BDP1: variants seen among roughly 807,000 people sequenced by gnomAD.
BDP1 encodes BDP1 general transcription factor IIIB subunit, also known as transcription factor TFIIIB component B'' homolog.
BDP1 carries 169 observed loss-of-function variants against 266.6 expected under a neutral mutation model. The observed-to-expected ratio is 0.63, with a 90% confidence interval of 0.56 to 0.72. The LOEUF is 0.72. Among genes scored for constraint, BDP1 ranks in the 30% least tolerant of loss-of-function variants. BDP1 has a pLI of 0.00. For synonymous variants in BDP1, 1,090 were observed against 1,022.4 expected (o/e 1.07, Z -1.26); for missense variants, 3,015 against 3,053.8 (o/e 0.99, Z 0.30).
rs1388959654 is a variant in BDP1, at chr5:71,566,882, A to G, written c.*1997A>G. On this transcript the variant is annotated 3_prime_UTR_variant, in exon 39 of 39. Coordinates refer to ENST00000358731, the MANE Select transcript of BDP1 (RefSeq NM_018429.3). ...GATAATTATGTTTGTATATTGAAAA[A>G]ATGGTGGCCAGTTTTTAAGTTCCTT... 6.6e-6 allele frequency: 1 copy of G among 152,236 alleles called. No individual in the cohort carries two copies. Among genetic ancestry groups the G allele is most frequent in the Non-Finnish European group, 1.5e-5 (1 of 68,044 alleles). 9.4% of individuals were successfully genotyped at this position (152,236 alleles called of 1,614,324 possible).
intron 35 of BDP1, among the ~76,000 whole-genome samples, chr5:71,555,003 C>T (rs1367886257): frequency 3.9e-5 from 6 of 152,128 alleles, no homozygotes; most frequent in South Asian, 2.1e-4. Flanking sequence ...TGGAGCATTT[C>T]GGATTTTCAG....
At chr5:71,544,301 C>G in intron 30 of BDP1, 56 bp from the exon 31 acceptor site, 4 of 1,500,702 alleles carry the variant, frequency 2.7e-6, no homozygotes, top group Non-Finnish European at 3.6e-6. Flanking sequence ...GTTTCTAATA[C>G]AGGGATTTTA....
rs776175399 is a variant in BDP1, at chr5:71,510,719, A to G, written c.3627A>G (p.Pro1209=). The G allele has an allele frequency of 1.9e-6, 3 of 1,613,932 alleles. No individual in the cohort carries two copies. The highest frequency in any genetic ancestry group is 1.1e-5 in the South Asian group (1 of 91,034). ...DLEETEREIS[P]QENGPEEVKP... ...AAGAAACTGAAAGAGAAATATCGCC[A>G]CAGGAAAATGGCCCAGAGGAGGTCA... Residue 1209 remains proline (P), a synonymous_variant, in exon 17 of 39, where the codon CCA becomes CCG. Coordinates refer to ENST00000358731, the MANE Select transcript of BDP1 (RefSeq NM_018429.3).
At chr5:71,460,605 T>G (rs1019435552) in intron 2 of BDP1, among the ~76,000 whole-genome samples, 1 of 152,186 alleles carries the variant, frequency 6.6e-6, no homozygotes, top group African/African-American at 2.4e-5. Flanking sequence ...TTATGTCTTC[T>G]AAAATGTAAG....
chr5:71,472,849 T>G (rs1423844770), intron 7 of BDP1, among the ~76,000 whole-genome samples: 1 of 150,660 alleles, frequency 6.6e-6, no homozygotes, highest in Non-Finnish European at 1.5e-5. Context: ...ATTTTATAAA[T>G]ATACTCTTTC....
At chr5:71,504,774 ATAATCTTTG>A (rs1764481294) in intron 16 of BDP1, 23 bp downstream of exon 16, 1 of 1,603,012 alleles carries the variant, frequency 6.2e-7, no homozygotes, top group African/African-American at 1.3e-5. Context: ...TTGTTGATAT[ATAATCTTTG>A]GATTTTGTAA....
intron 32 of BDP1, among the ~76,000 whole-genome samples, chr5:71,546,608 ACT>A (rs1742328981): frequency 2.4e-5 from 3 of 122,464 alleles, no homozygotes. Flanking sequence ...ACAGAACAAG[ACT>A]CTGTCTCAAA....
Position 71,481,858 on chromosome 5 carries a change from T to C in BDP1, c.1015-1984T>C, listed in dbSNP as rs185985411. 1.3e-3 allele frequency among the ~76,000 whole-genome samples: 195 copies of C among 152,352 alleles called. 2 individuals are homozygous for C. Among genetic ancestry groups the C allele is most frequent in the African/African-American group, 3.9e-3 (162 of 41,584 alleles). On this transcript the variant is annotated intron_variant, in intron 7 of 38. Transcript: ENST00000358731. ...ATACTAATACTATACTATTAATAGA[T>C]AAGTGAGAGAAGGGAATGCATTGCA...
chr5:71,483,983 G>C (rs1181076044), intron 8 of BDP1, 87 bp downstream of exon 8: 1 of 1,141,070 alleles, frequency 8.8e-7, no homozygotes, highest in East Asian at 2.4e-5. Flanking sequence ...GTGTGTTTTA[G>C]ATTTGTTTTG....
chr5:71,520,581 A>G (rs969113391), intron 22 of BDP1, among the ~76,000 whole-genome samples: 3 of 152,126 alleles, frequency 2.0e-5, no homozygotes, highest in Non-Finnish European at 4.4e-5. Flanking sequence ...TCTATGTATA[A>G]TCCCTTTTTG....
Position 71,545,066 on chromosome 5 carries a change from G to A in BDP1, c.6591G>A (p.Gln2197=), listed in dbSNP as rs768069527. The change falls in exon 32 of 39, where the codon CAG becomes CAA. Residue 2197 remains glutamine (Q), a synonymous_variant. Coordinates refer to ENST00000358731, the MANE Select transcript of BDP1 (RefSeq NM_018429.3). ...ACGAAAATCAAGAAGAGAGCTCTCA[G>A]GAGGTTCACATGTTGTCAGTTGCTC... is the stretch of plus-strand genomic sequence containing the variant. The part of the protein sequence containing the change: ...ERNENQEESS[Q]EVHMLSVAPV... 6.2e-7 allele frequency: 1 copy of A among 1,613,496 alleles called. No homozygotes were observed. Among genetic ancestry groups the A allele is most frequent in the Non-Finnish European group, 8.5e-7 (1 of 1,179,784 alleles).
At position 71,563,836 on chromosome 5, in the gene BDP1, C is replaced by T. The variant is rs182804078; in HGVS notation, c.7744-918C>T. ...CTGAGATAAGAGAATTGCTTGAACC[C>T]GGGAGGTGGAGGTTGCAGTGGGCTG... On this transcript the variant is annotated intron_variant, in intron 38 of 38. Transcript: ENST00000358731. Among the ~76,000 whole-genome samples the T allele has an allele frequency of 9.8e-3, 1,497 of 152,182 alleles. 29 individuals carry two copies. Among genetic ancestry groups the T allele is most frequent in the African/African-American group, 0.034 (1,408 of 41,520 alleles).
rs769400810 is a variant in BDP1 at position 71,510,944 on chromosome 5, A to T, written c.3852A>T (p.Glu1284Asp). 1 of 1,614,084 alleles carries T rather than the reference A, an allele frequency of 6.2e-7. No homozygotes were observed. Among genetic ancestry groups the T allele is most frequent in the East Asian group, 2.2e-5 (1 of 44,896 alleles). The change falls in exon 17 of 39, where the codon GAA becomes GAT. Residue 1284 changes from glutamate to aspartate, a missense_variant. Transcript: ENST00000358731. ...VVEEMEADLK[E>D]TGKENFRERG... Reference sequence around the variant, plus strand: ...AAGAAATGGAGGCAGATTTGAAAGAAACTGGAAAAGAAAATTTTAGAGAGA... The same window carrying T: ...AAGAAATGGAGGCAGATTTGAAAGATACTGGAAAAGAAAATTTTAGAGAGA...
intron 7 of BDP1, among the ~76,000 whole-genome samples, chr5:71,472,134 A>G (rs1762286680): frequency 6.6e-6 from 1 of 152,172 alleles, no homozygotes; most frequent in African/African-American, 2.4e-5. Flanking sequence ...AAAGGTTACT[A>G]TGGCTCTAGC....
chr5:71,501,493 C>A, intron 13 of BDP1, 69 bp from the exon 14 acceptor site: 1 of 1,015,236 alleles, frequency 9.8e-7, no homozygotes. Flanking sequence ...GTTTTAATTT[C>A]CATTTGTTTA....
intron 16 of BDP1, among the ~76,000 whole-genome samples, chr5:71,506,823 A>ACACACCC (rs377599570): frequency 2.1e-5 from 3 of 141,726 alleles, no homozygotes; most frequent in African/African-American, 7.9e-5. Context: ...ACACACACAC[A>ACACACCC]CCCATATTTT....
At chr5:71,523,462 C>A (rs1452153520) in intron 24 of BDP1, among the ~76,000 whole-genome samples, 2 of 151,966 alleles carry the variant, frequency 1.3e-5, no homozygotes, top group Admixed American at 6.6e-5. Flanking sequence ...TACAGGCGTG[C>A]ACCACCGTGC....
At chr5:71,564,618 T>A in intron 38 of BDP1, 136 bp from the exon 39 acceptor site, 1 of 725,220 alleles carries the variant, frequency 1.4e-6, no homozygotes, top group Non-Finnish European at 2.1e-6. Context: ...TGTGAACATA[T>A]TTAAAGCTCA....
chr5:71,529,559 T>G (rs1273489793), intron 25 of BDP1, among the ~76,000 whole-genome samples: 4 of 152,154 alleles, frequency 2.6e-5, no homozygotes, highest in Non-Finnish European at 5.9e-5. Context: ...GGTGTGTTGG[T>G]GCGTATCTAT....
Sources: gnomAD v4.1 joint callset for allele counts (sites outside exome capture counted in the v4.1 genomes callset) on GRCh38, gnomAD v4.1.1 for gene constraint, MANE v1.5 for transcripts, NCBI Gene and HGNC (gene_info 2026-07-23, HGNC 2026-07-21) for gene names.